PIWIL2: variants seen among roughly 807,000 people sequenced by gnomAD.
PIWIL2 encodes piwi-like protein 2.
PIWIL2 carries 81 observed loss-of-function variants against 116.5 expected under a neutral mutation model. The ratio of observed to expected loss-of-function variants is 0.70; its 90% CI spans 0.58 to 0.84. The LOEUF is 0.84. PIWIL2 is among the 40% of genes least tolerant of loss of function. The probability of loss-of-function intolerance (pLI) is 0.00; values close to 1 mark genes in which losing one functional copy is unlikely to be tolerated. For missense variants in PIWIL2, 1,272 were observed against 1,212.3 expected (o/e 1.05, Z -0.73); for synonymous variants, 489 against 429.5 (o/e 1.14, Z -1.71).
At chr8:22,281,316 A>G in intron 3 of PIWIL2, 61 bp from the exon 4 acceptor site, 1 of 1,571,260 alleles carries the variant, frequency 6.4e-7, no homozygotes, top group Non-Finnish European at 8.6e-7. Context: ...TAAAAAAAAA[A>G]ACTATACTTT....
In PIWIL2 at chr8:22,310,007, C is replaced by T. The variant is rs1435533414; in HGVS notation, c.1733C>T (p.Thr578Ile). Reference protein sequence around the residue: ...LPMERINLKNTSFITSQELNW... With the variant: ...LPMERINLKNISFITSQELNW... Reference sequence around the variant, plus strand: ...ATGGAAAGAATTAACTTAAAAAATACTTCGTTTATCACATCTCAGGAACTA... The same window carrying T: ...ATGGAAAGAATTAACTTAAAAAATATTTCGTTTATCACATCTCAGGAACTA... Residue 578 changes from threonine (T) to isoleucine (I), a missense_variant, in exon 15 of 23, where the codon ACT becomes ATT. Physicochemically the swap from Thr to Ile is moderately conservative, Grantham distance 89. Coordinates refer to ENST00000356766, the MANE Select transcript of PIWIL2 (RefSeq NM_018068.5). 1.2e-6 allele frequency: 2 copies of T among 1,611,920 alleles called. No homozygotes were observed. The highest frequency in any genetic ancestry group is 1.7e-6 in the Non-Finnish European group (2 of 1,178,020).
At chr8:22,292,662 A>G (rs1373336210) in intron 10 of PIWIL2, among the ~76,000 whole-genome samples, 1 of 152,252 alleles carries the variant, frequency 6.6e-6, no homozygotes, top group Admixed American at 6.5e-5. Flanking sequence ...GAATTGGGTA[A>G]CACCTTGAGG....
At chr8:22,337,247 A>C (rs1832000678) in intron 20 of PIWIL2, among the ~76,000 whole-genome samples, 1 of 152,176 alleles carries the variant, frequency 6.6e-6, no homozygotes, top group African/African-American at 2.4e-5. Flanking sequence ...TTACATTAGA[A>C]AATCCTGAAG....
At chr8:22,343,968 C>G (rs912466424) in intron 20 of PIWIL2, among the ~76,000 whole-genome samples, 1 of 152,082 alleles carries the variant, frequency 6.6e-6, no homozygotes, top group African/African-American at 2.4e-5. Flanking sequence ...TCATTACTGC[C>G]AGAACTTGGA....
intron 10 of PIWIL2, among the ~76,000 whole-genome samples, chr8:22,300,307 G>A (rs963137654): frequency 2.6e-5 from 4 of 152,046 alleles, no homozygotes; most frequent in African/African-American, 4.8e-5. Flanking sequence ...TTCACTTAGC[G>A]TTATTTTGAA....
chr8:22,319,999 G>T (rs1226318455), intron 20 of PIWIL2, among the ~76,000 whole-genome samples: 1 of 152,054 alleles, frequency 6.6e-6, no homozygotes, highest in Non-Finnish European at 1.5e-5. Flanking sequence ...TCTCACTCTG[G>T]TTGCCCAGGC....
chr8:22,349,453 C>CT (rs1832307489), intron 20 of PIWIL2, among the ~76,000 whole-genome samples: 1 of 129,088 alleles, frequency 7.7e-6, no homozygotes, highest in Admixed American at 7.9e-5. Context: ...ATAAATTTTA[C>CT]TTTATCCCTT....
intron 20 of PIWIL2, among the ~76,000 whole-genome samples, chr8:22,326,340 G>T (rs1335692379): frequency 2.0e-5 from 3 of 152,126 alleles, no homozygotes; most frequent in Non-Finnish European, 4.4e-5. Context: ...GGGCAACATG[G>T]TGAAACCCCC....
intron 19 of PIWIL2, among the ~76,000 whole-genome samples, chr8:22,316,876 C>T (rs1287868298): frequency 1.3e-5 from 2 of 151,852 alleles, no homozygotes; most frequent in Admixed American, 6.6e-5. Context: ...CAACCTCAAC[C>T]TCCCTGGGTT....
intron 20 of PIWIL2, among the ~76,000 whole-genome samples, chr8:22,331,755 TG>T (rs1831866917): frequency 6.6e-6 from 1 of 152,098 alleles, no homozygotes; most frequent in African/African-American, 2.4e-5. Context: ...CGGTTTCTTT[TG>T]GGGGCCTTGG....
intron 1 of PIWIL2, 109 bp from the exon 2 acceptor site, chr8:22,279,232 C>G (rs1161920376): frequency 1.6e-6 from 1 of 631,290 alleles, no homozygotes; most frequent in Non-Finnish European, 2.9e-6. Flanking sequence ...TTGTAGAAGG[C>G]TAGGCGTGTT....
chr8:22,349,429 A>G (rs1317595172), intron 20 of PIWIL2, among the ~76,000 whole-genome samples: 1 of 146,962 alleles, frequency 6.8e-6, no homozygotes, highest in African/African-American at 2.5e-5. Flanking sequence ...GTATATATAT[A>G]TATATATATA....
chr8:22,350,781 T>C (rs1015154314), intron 20 of PIWIL2, among the ~76,000 whole-genome samples: 13 of 151,986 alleles, frequency 8.6e-5, no homozygotes, highest in African/African-American at 1.7e-4. Context: ...GGAGGAGGAT[T>C]ACTTGAGGCT....
chr8:22,300,924 G>A (rs1443804267), intron 10 of PIWIL2, among the ~76,000 whole-genome samples: 2 of 151,992 alleles, frequency 1.3e-5, no homozygotes, highest in South Asian at 2.1e-4. Context: ...TGATATGCAC[G>A]TATCATATGA....
At chr8:22,347,708 G>T (rs1832261481) in intron 20 of PIWIL2, among the ~76,000 whole-genome samples, 1 of 150,930 alleles carries the variant, frequency 6.6e-6, no homozygotes, top group African/African-American at 2.4e-5. Flanking sequence ...TGTATTTTTA[G>T]TAGAGACGGG....
At chr8:22,344,815 G>T (rs1423441948) in intron 20 of PIWIL2, among the ~76,000 whole-genome samples, 3 of 152,130 alleles carry the variant, frequency 2.0e-5, no homozygotes, top group African/African-American at 7.2e-5. Context: ...GGTCAAGGCT[G>T]CAGTGAGCCG....
In PIWIL2 at chr8:22,315,158, G is replaced by T; in HGVS notation, c.2208+13G>T. 2 of 1,387,004 alleles carry T rather than the reference G, an allele frequency of 1.4e-6. No homozygotes were observed. The highest frequency in any genetic ancestry group is 2.1e-6 in the Non-Finnish European group (2 of 973,114). The allele number at this position is 1,387,004 out of a possible 1,614,324, so 85.9% of individuals were successfully genotyped here. A position where few individuals can be genotyped will look rare whatever the true frequency, so the allele number is the denominator to read the frequency against. On this transcript the variant is annotated intron_variant, in intron 18 of 22. Transcript: ENST00000356766. ...GGATATTCCTCTGGTGAGTGATGCC[G>T]AGATGGTTCAGTTTGCCTCTCCAGA...
intron 5 of PIWIL2, 29 bp from the exon 6 acceptor site, chr8:22,284,133 T>G (rs755027937): frequency 4.1e-6 from 5 of 1,221,732 alleles, no homozygotes; most frequent in Non-Finnish European, 4.7e-6. Flanking sequence ...TTTTGATATA[T>G]GCAGTTGCTT....
rs1456849925 is a variant in PIWIL2, at chr8:22,304,184, G to A, written c.1345G>A (p.Glu449Lys). 2 of 1,613,540 alleles carry A rather than the reference G, an allele frequency of 1.2e-6. No homozygotes were observed. The highest frequency in any genetic ancestry group is 1.7e-6 in the Non-Finnish European group (2 of 1,179,638). ...TAGCTTCACGATGTCTGATGGGAAAGAGATCACATTCTTGGAATACTACAG... is the reference window on the plus strand; with the variant it reads ...TAGCTTCACGATGTCTGATGGGAAAAAGATCACATTCTTGGAATACTACAG... Reference protein sequence around the residue: ...KDSFTMSDGKEITFLEYYSKN... With the variant: ...KDSFTMSDGKKITFLEYYSKN... The change falls in exon 11 of 23, where the codon GAG becomes AAG. Residue 449 changes from glutamate to lysine, a missense_variant. Glu to Lys is a moderately conservative substitution (Grantham distance 56). Transcript: ENST00000356766.
Sources: gnomAD v4.1 joint callset for allele counts (sites outside exome capture counted in the v4.1 genomes callset) on GRCh38, gnomAD v4.1.1 for gene constraint, MANE v1.5 for transcripts, NCBI Gene and HGNC (gene_info 2026-07-23, HGNC 2026-07-21) for gene names.